Variants in VPS13D observed in about 807,000 individuals in gnomAD.
The protein encoded by VPS13D is intermembrane lipid transfer protein VPS13D.
Under a neutral mutation model 461.9 loss-of-function variants are expected in VPS13D, and 187 were observed. That is an observed-to-expected ratio of 0.40 (90% confidence interval 0.36 to 0.46). VPS13D has a LOEUF of 0.46. Ranked by LOEUF, VPS13D falls within the 20% of genes least tolerant of loss-of-function variation. VPS13D has a pLI of 0.60. For synonymous variants in VPS13D, 1,951 were observed against 1,986.3 expected (o/e 0.98, Z 0.47); for missense variants, 4,711 against 5,364.9 (o/e 0.88, Z 3.81).
At chr1:12,245,038 G>C (rs1640502991) in intron 5 of VPS13D, among the ~76,000 whole-genome samples, 1 of 152,124 alleles carries the variant, frequency 6.6e-6, no homozygotes, top group African/African-American at 2.4e-5. Flanking sequence ...TTGGATGCCT[G>C]GTCTCTAGTT....
intron 60 of VPS13D, among the ~76,000 whole-genome samples, chr1:12,398,740 G>A (rs10492976): frequency 0.19 from 29,158 of 152,142 alleles, 4,814 homozygotes; most frequent in African/African-American, 0.44. Context: ...TAATCGTTTC[G>A]TTCCCGAGAA....
At chr1:12,352,380 TC>T (rs1643815093) in intron 46 of VPS13D, among the ~76,000 whole-genome samples, 1 of 151,898 alleles carries the variant, frequency 6.6e-6, no homozygotes, top group Non-Finnish European at 1.5e-5. Context: ...ATGAAGAACT[TC>T]CTACAGATCA....
At position 12,358,611 on chromosome 1, in the gene VPS13D, A is replaced by C; in HGVS notation, c.10141+10A>C. 6.2e-7 allele frequency: 1 copy of C among 1,613,608 alleles called. No individual in the cohort carries two copies. The highest frequency in any genetic ancestry group is 1.1e-5 in the South Asian group (1 of 91,024). On this transcript the variant is annotated intron_variant, in intron 50 of 69. Transcript: ENST00000620676. ...CTGATCTATAACATTGGTGGGTTACATTTGGGGCAGCGGGACAATCAGAAC... is the reference window on the plus strand; with the variant it reads ...CTGATCTATAACATTGGTGGGTTACCTTTGGGGCAGCGGGACAATCAGAAC...
At chr1:12,319,674 C>G in intron 32 of VPS13D, 44 bp downstream of exon 32, 1 of 1,611,794 alleles carries the variant, frequency 6.2e-7, no homozygotes, top group Non-Finnish European at 8.5e-7. Flanking sequence ...TGTTGGCTCA[C>G]GAGCAAAGCA....
At chr1:12,408,405 T>A (rs1404903709) in intron 63 of VPS13D, among the ~76,000 whole-genome samples, 4 of 152,250 alleles carry the variant, frequency 2.6e-5, no homozygotes, top group African/African-American at 9.6e-5. Context: ...TCTCACTCTG[T>A]CAGGCTGAAG....
At chr1:12,459,679 A>ATG (rs1645381697) in intron 66 of VPS13D, among the ~76,000 whole-genome samples, 1 of 151,800 alleles carries the variant, frequency 6.6e-6, no homozygotes, top group South Asian at 2.1e-4. Context: ...GGGTTTCACC[A>ATG]TGTTGGCCAG....
At chr1:12,379,033 G>A (rs1455177290) in intron 56 of VPS13D, among the ~76,000 whole-genome samples, 1 of 152,174 alleles carries the variant, frequency 6.6e-6, no homozygotes, top group Non-Finnish European at 1.5e-5. Flanking sequence ...TGATTTGCCT[G>A]TGCCTTAGTT....
At chr1:12,337,719 T>G (rs1443332425) in intron 39 of VPS13D, 3 of 152,370 alleles carry the variant, frequency 2.0e-5, no homozygotes, top group African/African-American at 7.2e-5. Flanking sequence ...AGAATTTAAA[T>G]AAACACTATG....
At chr1:12,322,425 G>A in intron 33 of VPS13D, 111 bp from the exon 34 acceptor site, 1 of 1,015,190 alleles carries the variant, frequency 9.9e-7, no homozygotes, top group South Asian at 1.6e-5. Context: ...GAAATTTGGT[G>A]CAGTATCTGT....
In VPS13D at chr1:12,257,494, T is replaced by C. The variant is rs527243948; in HGVS notation, c.941+407T>C. ...CCTCCATAGCAAAACTAAATCCTGT[T>C]TTCATGTTGCAGTGATAAACTTGAC... On this transcript the variant is annotated intron_variant, in intron 9 of 69. Transcript: ENST00000620676. 7.9e-5 allele frequency among the ~76,000 whole-genome samples: 12 copies of C among 152,334 alleles called. No homozygotes were observed. The South Asian group carries it at 2.1e-3, about 26-fold the overall frequency.
chr1:12,300,029 C>T (rs865796963), intron 25 of VPS13D, among the ~76,000 whole-genome samples: 24 of 151,680 alleles, frequency 1.6e-4, no homozygotes, highest in Non-Finnish European at 2.9e-4. Context: ...CCCAACCCCC[C>T]GACTCCGCTC....
rs902969508 is a variant in VPS13D, at chr1:12,323,621, ATTTCT to A, written c.7916-76_7916-72del. The A allele has an allele frequency of 3.8e-5, 52 of 1,384,510 alleles. No individual in the cohort carries two copies. The African/African-American group carries it at 5.3e-4, about 14-fold the overall frequency. The allele number at this position is 1,384,510 out of a possible 1,614,324, so 85.8% of individuals were successfully genotyped here. A position where few individuals can be genotyped will look rare whatever the true frequency, so the allele number is the denominator to read the frequency against. On this transcript the variant is annotated intron_variant, in intron 34 of 69. Coordinates refer to ENST00000620676, the MANE Select transcript of VPS13D (RefSeq NM_015378.4). Reference sequence around the variant, plus strand: ...AAATGTTTTAGTCACGGGTTTTTAAATTTCTTTTCTTTTTTTCTAAAATTAGTTTG... The same window carrying A: ...AAATGTTTTAGTCACGGGTTTTTAAATTTCTTTTTTTCTAAAATTAGTTTG...
At chr1:12,399,733 C>T (rs370867230) in intron 60 of VPS13D, among the ~76,000 whole-genome samples, 4 of 150,770 alleles carry the variant, frequency 2.7e-5, no homozygotes, top group East Asian at 3.9e-4. Context: ...GCAGGAGAAT[C>T]GCTTGAATCC....
chr1:12,436,091 T>C (rs1645056674), intron 65 of VPS13D, among the ~76,000 whole-genome samples: 1 of 152,218 alleles, frequency 6.6e-6, no homozygotes, highest in Admixed American at 6.5e-5. Flanking sequence ...GGCTCTGTGC[T>C]AGGCACAGGG....
At chr1:12,322,774 A>G (rs979849247) in intron 34 of VPS13D, 28 bp downstream of exon 34, 2 of 1,599,020 alleles carry the variant, frequency 1.3e-6, no homozygotes, top group Middle Eastern at 1.7e-4. Context: ...AAACCCACTC[A>G]GTCTTGCTAA....
chr1:12,415,673 T>C (rs531180349), intron 64 of VPS13D, among the ~76,000 whole-genome samples: 1 of 152,184 alleles, frequency 6.6e-6, no homozygotes, highest in South Asian at 2.1e-4. Context: ...GATCAAAAAG[T>C]AAAGGCAAGG....
At chr1:12,427,836 A>G (rs1644942119) in intron 65 of VPS13D, among the ~76,000 whole-genome samples, 1 of 152,162 alleles carries the variant, frequency 6.6e-6, no homozygotes, top group South Asian at 2.1e-4. Flanking sequence ...TTCCAATGCC[A>G]GTGTTGTCTG....
At chr1:12,392,658 G>T (rs1256334143) in intron 60 of VPS13D, among the ~76,000 whole-genome samples, 1 of 152,060 alleles carries the variant, frequency 6.6e-6, no homozygotes, top group Non-Finnish European at 1.5e-5. Context: ...CCAGTAACAG[G>T]CCAAGAGCTG....
At chr1:12,442,100 T>C (rs1219092849) in intron 65 of VPS13D, among the ~76,000 whole-genome samples, 1 of 152,230 alleles carries the variant, frequency 6.6e-6, no homozygotes, top group Non-Finnish European at 1.5e-5. Flanking sequence ...CTTTCTGAGT[T>C]TAATTTTAAT....
Sources: allele counts gnomAD v4.1 joint callset (sites outside exome capture counted in the v4.1 genomes callset), GRCh38; gene constraint gnomAD v4.1.1; transcripts MANE v1.5; gene names NCBI Gene and HGNC (gene_info 2026-07-23, HGNC 2026-07-21).